The following RAP1B variants were observed in gnomAD, a reference collection of about 807,000 sequenced individuals.
RAP1B encodes the protein ras-related protein Rap-1b.
Under a neutral mutation model 27.5 loss-of-function variants are expected in RAP1B, and 1 was observed. That is an observed-to-expected ratio of 0.04 (90% CI 0.01 to 0.17). The LOEUF is 0.17. Ranked by LOEUF, RAP1B falls within the 10% of genes least tolerant of loss-of-function variation. RAP1B has a pLI of 1.00. For synonymous variants in RAP1B, 75 were observed against 73.1 expected (o/e 1.03, Z -0.13); for missense variants, 84 against 214.8 (o/e 0.39, Z 3.81).
chr12:68,628,521 C>A (rs748221284), intron 1 of RAP1B, among the ~76,000 whole-genome samples: 1 of 152,064 alleles, frequency 6.6e-6, no homozygotes, highest in African/African-American at 2.4e-5. Context: ...TTGTCCAATG[C>A]GTGATTTTAG....
At chr12:68,655,601 T>C (rs1264063067) in intron 5 of RAP1B, among the ~76,000 whole-genome samples, 1 of 148,498 alleles carries the variant, frequency 6.7e-6, no homozygotes, top group African/African-American at 2.5e-5. Context: ...AATGGCACGA[T>C]CTCAGCTCAC....
rs1486822169 is a variant in RAP1B at position 68,610,937 on chromosome 12, C to G, written c.-133C>G. On this transcript the variant is annotated 5_prime_UTR_variant, in exon 1 of 8. Transcript: ENST00000250559. ...CTCGCCCAGATTCAGGCGTGTAAACCAGCCGGAGCGGCGCGGCAGCGGCAG... is the reference window on the plus strand; with the variant it reads ...CTCGCCCAGATTCAGGCGTGTAAACGAGCCGGAGCGGCGCGGCAGCGGCAG... 3 of 310,808 alleles carry G rather than the reference C, an allele frequency of 9.7e-6. No individual in the cohort carries two copies. Among genetic ancestry groups the G allele is most frequent in the African/African-American group, 6.7e-5 (3 of 45,082 alleles). 19.3% of individuals were successfully genotyped at this position (310,808 alleles called of 1,614,324 possible).
Position 68,610,943 on chromosome 12 carries a change from G to C in RAP1B, c.-127G>C, listed in dbSNP as rs1870514775. 1 of 311,424 alleles carries C rather than the reference G, an allele frequency of 3.2e-6. No homozygotes were observed. Among genetic ancestry groups the C allele is most frequent in the East Asian group, 4.6e-5 (1 of 21,958 alleles). The allele number at this position is 311,424 out of a possible 1,614,324, so 19.3% of individuals were successfully genotyped here. ...CAGATTCAGGCGTGTAAACCAGCCG[G>C]AGCGGCGCGGCAGCGGCAGGACCGC... On this transcript the variant is annotated 5_prime_UTR_variant, in exon 1 of 8. Coordinates refer to ENST00000250559, the MANE Select transcript of RAP1B (RefSeq NM_001010942.3).
intron 1 of RAP1B, among the ~76,000 whole-genome samples, chr12:68,640,379 A>G (rs1205890766): frequency 6.6e-6 from 1 of 150,992 alleles, no homozygotes; most frequent in African/African-American, 2.4e-5. Context: ...CCCCCTCTAT[A>G]CCCTTTACTC....
intron 1 of RAP1B, among the ~76,000 whole-genome samples, chr12:68,625,233 G>A (rs981066427): frequency 6.6e-5 from 10 of 152,160 alleles, no homozygotes; most frequent in African/African-American, 2.4e-4. Flanking sequence ...GTGAAGTGTG[G>A]TGTGCCTTTC....
intron 7 of RAP1B, chr12:68,657,474 A>G: frequency 9.0e-6 from 2 of 221,212 alleles, no homozygotes; most frequent in Non-Finnish European, 8.9e-6. Context: ...GCGCAATATC[A>G]GCTCCCTGCA....
chr12:68,646,767 A>G (rs1225024287), intron 1 of RAP1B, among the ~76,000 whole-genome samples: 1 of 152,230 alleles, frequency 6.6e-6, no homozygotes, highest in Non-Finnish European at 1.5e-5. Flanking sequence ...GTTAGTGAAC[A>G]TGCAACATCA....
intron 5 of RAP1B, 44 bp from the exon 6 acceptor site, chr12:68,656,262 G>A (rs1466200782): frequency 2.6e-6 from 4 of 1,516,350 alleles, no homozygotes; most frequent in Non-Finnish European, 2.7e-6. Flanking sequence ...AATTCATATA[G>A]CATATTTACT....
At position 68,665,050 on chromosome 12, in the gene RAP1B, A is replaced by C. The variant is rs1267457147; in HGVS notation, c.*5801A>C. 3 of 152,194 alleles carry C rather than the reference A, an allele frequency of 2.0e-5. No homozygotes were observed. The allele number at this position is 152,194 out of a possible 1,614,324, so 9.4% of individuals were successfully genotyped here. ...TTGCCTGTAATCCCAGCTGCTTGGG[A>C]GGCTGAGGTAGGAGGAACTCTTGAG... is the stretch of plus-strand genomic sequence containing the variant. On this transcript the variant is annotated 3_prime_UTR_variant, in exon 8 of 8. Transcript: ENST00000250559.
intron 1 of RAP1B, among the ~76,000 whole-genome samples, chr12:68,625,708 C>T (rs945422128): frequency 3.9e-5 from 6 of 152,028 alleles, no homozygotes; most frequent in Admixed American, 6.6e-5. Flanking sequence ...ATCATGAGGT[C>T]GAGAGATCGA....
intron 6 of RAP1B, 24 bp downstream of exon 6, chr12:68,656,473 GGGTCT>G (rs765442505): frequency 4.4e-6 from 7 of 1,589,264 alleles, no homozygotes; most frequent in Admixed American, 3.3e-5. Flanking sequence ...TACTTAAAAT[GGGTCT>G]TCATTTGAAG....
At chr12:68,636,115 C>A (rs927159662) in intron 1 of RAP1B, among the ~76,000 whole-genome samples, 5 of 151,884 alleles carry the variant, frequency 3.3e-5, no homozygotes, top group African/African-American at 1.2e-4. Context: ...AAACTCCTGA[C>A]CTCAAGTGAT....
chr12:68,626,949 C>T (rs1303768693), intron 1 of RAP1B: 13 of 1,528,316 alleles, frequency 8.5e-6, no homozygotes, highest in Admixed American at 5.0e-5. Flanking sequence ...TGGGATGAGC[C>T]GCTTCTCAGT....
At chr12:68,658,382 C>G (rs1177211009) in intron 7 of RAP1B, among the ~76,000 whole-genome samples, 1 of 152,130 alleles carries the variant, frequency 6.6e-6, no homozygotes, top group Non-Finnish European at 1.5e-5. Flanking sequence ...AACAGTCTGC[C>G]AGGATTTAGA....
In RAP1B at chr12:68,665,097, A is replaced by T. The variant is rs1489333810; in HGVS notation, c.*5848A>T. The T allele has an allele frequency of 6.6e-6, 1 of 152,228 alleles. No individual in the cohort carries two copies. Among genetic ancestry groups the T allele is most frequent in the Non-Finnish European group, 1.5e-5 (1 of 68,050 alleles). The allele number at this position is 152,228 out of a possible 1,614,324, so 9.4% of individuals were successfully genotyped here. A position where few individuals can be genotyped will look rare whatever the true frequency, so the allele number is the denominator to read the frequency against. On this transcript the variant is annotated 3_prime_UTR_variant, in exon 8 of 8. Transcript: ENST00000250559. The stretch of plus-strand genomic sequence containing the variant: ...TGAGCTCCGGTGGTTTGAGGCCAGC[A>T]TGGATAACATAGGGAGACCCTGTCA...
At position 68,656,302 on chromosome 12, in the gene RAP1B, T is replaced by C; in HGVS notation, c.325-4T>C. 6.3e-7 allele frequency: 1 copy of C among 1,598,342 alleles called. No individual in the cohort carries two copies. Among genetic ancestry groups the C allele is most frequent in the Non-Finnish European group, 8.6e-7 (1 of 1,166,426 alleles). On this transcript the variant is annotated splice_region_variant and splice_polypyrimidine_tract_variant and intron_variant, in intron 5 of 7. Transcript: ENST00000250559. Reference sequence around the variant, plus strand: ...TATTTTTACTCTCACAAATGTATTTTTAGGTTCCAATGATTCTTGTTGGTA... The same window carrying C: ...TATTTTTACTCTCACAAATGTATTTCTAGGTTCCAATGATTCTTGTTGGTA...
At chr12:68,611,890 A>C (rs1870624685) in intron 1 of RAP1B, among the ~76,000 whole-genome samples, 1 of 152,246 alleles carries the variant, frequency 6.6e-6, no homozygotes, top group Non-Finnish European at 1.5e-5. Flanking sequence ...ACGCCCAGTG[A>C]ACCGGGCTCT....
At chr12:68,618,438 A>G (rs1871173375) in intron 1 of RAP1B, among the ~76,000 whole-genome samples, 1 of 152,156 alleles carries the variant, frequency 6.6e-6, no homozygotes, top group Non-Finnish European at 1.5e-5. Context: ...CCATTAAAGT[A>G]TGAATAAGGA....
chr12:68,625,122 G>C (rs1249584862), intron 1 of RAP1B, among the ~76,000 whole-genome samples: 1 of 152,124 alleles, frequency 6.6e-6, no homozygotes, highest in African/African-American at 2.4e-5. Context: ...GCATTTTTTG[G>C]AGCTACTTTA....
Sources: allele counts gnomAD v4.1 joint callset (sites outside exome capture counted in the v4.1 genomes callset), GRCh38; gene constraint gnomAD v4.1.1; transcripts MANE v1.5; gene names NCBI Gene and HGNC (gene_info 2026-07-23, HGNC 2026-07-21).